The following CSMD1 variants were observed in gnomAD, a reference collection of about 807,000 sequenced individuals.
CSMD1 encodes CUB and Sushi multiple domains 1, also known as CUB and sushi domain-containing protein 1.
CSMD1 carries 213 observed loss-of-function variants against 417.5 expected under a neutral mutation model. The observed-to-expected ratio is 0.51, with a 90% CI of 0.46 to 0.57. CSMD1 has a LOEUF of 0.57. CSMD1 is among the 20% of genes least tolerant of loss of function. The probability of loss-of-function intolerance (pLI) is 0.00; values close to 1 mark genes in which losing one functional copy is unlikely to be tolerated. For synonymous variants in CSMD1, 2,862 were observed against 1,736.8 expected, an observed-to-expected ratio of 1.65 and a Z score of -16.11; for missense variants, 6,923 against 4,529.7, an observed-to-expected ratio of 1.53 and a Z score of -15.17.
chr8:3,737,505 A>C (rs1325745175), intron 6 of CSMD1, among the ~76,000 whole-genome samples: 1 of 152,202 alleles, frequency 6.6e-6, no homozygotes, highest in Non-Finnish European at 1.5e-5. Context: ...TCTCTGTTGA[A>C]CATTTTTTAC....
chr8:3,180,635 T>A (rs1489777374), intron 37 of CSMD1, among the ~76,000 whole-genome samples: 1 of 152,192 alleles, frequency 6.6e-6, no homozygotes, highest in South Asian at 2.1e-4. Flanking sequence ...ATATTTCTTT[T>A]GTTTGTTTGT....
chr8:3,926,122 C>CACACACACACACACACACACACACACAA (rs1809706869), intron 5 of CSMD1, among the ~76,000 whole-genome samples: 1 of 129,862 alleles, frequency 7.7e-6, no homozygotes, highest in Non-Finnish European at 1.6e-5. Context: ...CACACACACA[C>CACACACACACACACACACACACACACAA]ACACACACAC....
chr8:3,900,104 G>A (rs539882762), intron 5 of CSMD1, among the ~76,000 whole-genome samples: 1 of 151,926 alleles, frequency 6.6e-6, no homozygotes, highest in South Asian at 2.1e-4. Context: ...TGGTGCAGCT[G>A]GTTGGCACTG....
intron 51 of CSMD1, among the ~76,000 whole-genome samples, chr8:3,027,171 C>T (rs681667): frequency 0.48 from 73,114 of 151,770 alleles, 17,781 homozygotes; most frequent in African/African-American, 0.52. Context: ...ACAATATCAA[C>T]ATCAGGCCTT....
intron 2 of CSMD1, among the ~76,000 whole-genome samples, chr8:4,568,534 G>C (rs976270185): frequency 6.6e-6 from 1 of 152,014 alleles, no homozygotes; most frequent in African/African-American, 2.4e-5. Context: ...TGGGCATTTG[G>C]GTTGATTCCA....
intron 1 of CSMD1, among the ~76,000 whole-genome samples, chr8:4,836,018 A>C (rs1044613855): frequency 1.3e-5 from 2 of 152,196 alleles, no homozygotes; most frequent in Non-Finnish European, 2.9e-5. Context: ...AGGATGTGAA[A>C]AATAAATAGA....
At chr8:4,772,962 G>C (rs1028594951) in intron 1 of CSMD1, among the ~76,000 whole-genome samples, 3 of 152,102 alleles carry the variant, frequency 2.0e-5, no homozygotes, top group African/African-American at 7.2e-5. Flanking sequence ...TAACACATGG[G>C]ACATTTAAAG....
intron 49 of CSMD1, among the ~76,000 whole-genome samples, chr8:3,064,174 C>G (rs1361982890): frequency 1.3e-5 from 2 of 152,170 alleles, no homozygotes; most frequent in Non-Finnish European, 2.9e-5. Context: ...CTTTCAAGGC[C>G]TGATAAATTC....
At chr8:4,949,257 A>G (rs908596668) in intron 1 of CSMD1, among the ~76,000 whole-genome samples, 1 of 152,116 alleles carries the variant, frequency 6.6e-6, no homozygotes, top group Non-Finnish European at 1.5e-5. Flanking sequence ...TTCATAAATG[A>G]GAGTGGCCTG....
intron 18 of CSMD1, among the ~76,000 whole-genome samples, chr8:3,371,644 A>C (rs991079160): frequency 1.3e-5 from 2 of 152,198 alleles, no homozygotes; most frequent in African/African-American, 4.8e-5. Flanking sequence ...TCCACAAATA[A>C]TATTCACAAA....
intron 15 of CSMD1, among the ~76,000 whole-genome samples, chr8:3,404,277 G>C (rs1322418495): frequency 2.0e-5 from 3 of 151,734 alleles, no homozygotes; most frequent in African/African-American, 7.3e-5. Flanking sequence ...GGAGGTTGCA[G>C]TGAGCTGAGA....
At chr8:4,636,885 C>G (rs1451202876) in intron 2 of CSMD1, among the ~76,000 whole-genome samples, 2 of 152,074 alleles carry the variant, frequency 1.3e-5, no homozygotes, top group Non-Finnish European at 2.9e-5. Context: ...GTAAAATGCA[C>G]CAATCAGCAC....
At chr8:3,441,510 TACACAC>T (rs71199578) in intron 12 of CSMD1, among the ~76,000 whole-genome samples, 1 of 147,046 alleles carries the variant, frequency 6.8e-6, no homozygotes, top group Non-Finnish European at 1.5e-5. Context: ...TATATATATA[TACACAC>T]ACACACACAA....
intron 1 of CSMD1, among the ~76,000 whole-genome samples, chr8:4,725,012 C>T (rs1563226098): frequency 1.3e-5 from 2 of 152,060 alleles, no homozygotes; most frequent in South Asian, 4.1e-4. Context: ...CGTGAAAGAA[C>T]ACGTTTTAAA....
At chr8:3,955,536 A>C (rs1811883259) in intron 5 of CSMD1, among the ~76,000 whole-genome samples, 1 of 152,192 alleles carries the variant, frequency 6.6e-6, no homozygotes, top group Non-Finnish European at 1.5e-5. Context: ...AAGTCAGTAG[A>C]GGATTTGGCG....
chr8:3,852,067 G>T (rs1803948371), intron 5 of CSMD1, among the ~76,000 whole-genome samples: 1 of 152,220 alleles, frequency 6.6e-6, no homozygotes, highest in African/African-American at 2.4e-5. Context: ...GAGGCAGACT[G>T]GAGGAGATCT....
intron 5 of CSMD1, among the ~76,000 whole-genome samples, chr8:3,767,411 G>T (rs770637886): frequency 3.3e-5 from 5 of 152,150 alleles, no homozygotes; most frequent in Non-Finnish European, 7.3e-5. Context: ...CTAAACCTCA[G>T]AATTGTTCAT....
intron 10 of CSMD1, among the ~76,000 whole-genome samples, chr8:3,571,912 G>C (rs1258475979): frequency 6.6e-6 from 1 of 152,090 alleles, no homozygotes; most frequent in East Asian, 1.9e-4. Context: ...CCACCGAAAG[G>C]GCTACAGGAA....
chr8:3,688,123 GAAGT>G (rs1169660194), intron 7 of CSMD1, among the ~76,000 whole-genome samples: 2 of 152,152 alleles, frequency 1.3e-5, no homozygotes, highest in African/African-American at 4.8e-5. Context: ...TATCTGCTTC[GAAGT>G]AATTGCAATA....
Sources: allele counts gnomAD v4.1 joint callset (sites outside exome capture counted in the v4.1 genomes callset), GRCh38; gene constraint gnomAD v4.1.1; transcripts MANE v1.5; gene names NCBI Gene and HGNC (gene_info 2026-07-23, HGNC 2026-07-21).